Variants in AKAP9 observed in about 807,000 individuals in gnomAD.
The protein encoded by AKAP9 is A-kinase anchor protein 9.
A neutral mutation model predicts 488.5 loss-of-function variants in AKAP9; 311 were observed. The observed-to-expected ratio is 0.64, with a 90% CI of 0.58 to 0.70. AKAP9 has a LOEUF of 0.70. Among genes scored for constraint, AKAP9 ranks in the 30% least tolerant of loss-of-function variants. AKAP9 has a pLI of 0.00. For missense variants in AKAP9, 4,215 were observed against 4,374.5 expected (o/e 0.96, Z 1.03); for synonymous variants, 1,462 against 1,483.5 (o/e 0.99, Z 0.33).
At chr7:92,007,281 CTTTTTTTTTTTTTTT>C in intron 8 of AKAP9, among the ~76,000 whole-genome samples, 1 of 84,120 alleles carries the variant, frequency 1.2e-5, no homozygotes, top group South Asian at 4.8e-4. Context: ...AACTGAAATT[CTTTTTTTTTTTTTTT>C]TTTTTTTTTT....
chr7:92,050,270 A>G (rs184766198), intron 21 of AKAP9, among the ~76,000 whole-genome samples: 4 of 149,446 alleles, frequency 2.7e-5, no homozygotes, highest in Non-Finnish European at 4.5e-5. Context: ...GTATTTTTGT[A>G]TTTTTTAGTA....
chr7:92,058,025 T>C (rs1293942481), intron 22 of AKAP9: 2 of 315,488 alleles, frequency 6.3e-6, no homozygotes, highest in Non-Finnish European at 1.2e-5. Context: ...TTGTATGAAT[T>C]AATTTTATAA....
Position 91,992,216 on chromosome 7 carries a change from A to G in AKAP9, c.405+5A>G, listed in dbSNP as rs778747883. Reference sequence around the variant, plus strand: ...AAGCCTACAAATTTATTAAGGGTACAGTATTTAAAACTACTTGTGATACTA... The same window carrying G: ...AAGCCTACAAATTTATTAAGGGTACGGTATTTAAAACTACTTGTGATACTA... On this transcript the variant is annotated splice_donor_5th_base_variant and intron_variant, in intron 4 of 49. Transcript: ENST00000356239. 5.6e-6 allele frequency: 9 copies of G among 1,599,538 alleles called. No individual in the cohort carries two copies. Among genetic ancestry groups the G allele is most frequent in the Non-Finnish European group, 3.4e-6 (4 of 1,166,836 alleles).
At position 92,110,135 on chromosome 7, in the gene AKAP9, A is replaced by G; in HGVS notation, c.11700A>G (p.Gln3900=). 2 of 1,602,496 alleles carry G rather than the reference A, an allele frequency of 1.2e-6. No individual in the cohort carries two copies. The highest frequency in any genetic ancestry group is 1.7e-6 in the Non-Finnish European group (2 of 1,172,360). ...LGTIQSGSTT[Q]FHAGMRR ...TTTCTCTCATAGGTTCAACTACTCA[A>G]TTTCATGCTGGCATGAGAAGATAAT... The change falls in exon 50 of 50, where the codon CAA becomes CAG. Residue 3900 remains glutamine (Q), a synonymous_variant. Coordinates refer to ENST00000356239, the MANE Select transcript of AKAP9 (RefSeq NM_005751.5).
Position 92,098,066 on chromosome 7 carries a change from C to T in AKAP9, c.10608-43C>T, listed in dbSNP as rs765826006. 3.9e-6 allele frequency: 5 copies of T among 1,297,546 alleles called. No individual in the cohort carries two copies. In the Admixed American group the frequency reaches 5.1e-5, roughly 13 times the overall value. 80.4% of individuals were successfully genotyped at this position (1,297,546 alleles called of 1,614,324 possible). ...TAATGTTTGTGGTAGTAAACACCCC[C>T]AATTGAGAAGGTATGTTTTGACTTT... On this transcript the variant is annotated intron_variant, in intron 42 of 49. Transcript: ENST00000356239.
At chr7:91,991,555 TC>T (rs1294118014) in intron 3 of AKAP9, among the ~76,000 whole-genome samples, 2 of 151,828 alleles carry the variant, frequency 1.3e-5, no homozygotes, top group African/African-American at 4.8e-5. Flanking sequence ...CACTGCAAGT[TC>T]CGCCTCCTGG....
At chr7:91,978,260 A>C (rs986826520) in intron 2 of AKAP9, among the ~76,000 whole-genome samples, 1 of 151,750 alleles carries the variant, frequency 6.6e-6, no homozygotes, top group Non-Finnish European at 1.5e-5. Flanking sequence ...AAAAAAAAAA[A>C]AGAGAATCTT....
chr7:91,954,533 G>A (rs1218615202), intron 1 of AKAP9, among the ~76,000 whole-genome samples: 2 of 152,228 alleles, frequency 1.3e-5, no homozygotes. Flanking sequence ...CTCCTGAAGT[G>A]CTGGGGTTAT....
chr7:92,079,701 A>C lies in AKAP9; in HGVS notation c.7568A>C (p.Lys2523Thr). The change falls in exon 31 of 50, where the codon AAA (lysine) becomes ACA (threonine). Residue 2523 changes from lysine to threonine, a missense_variant. By Grantham distance (78) the Lys-to-Thr change is moderately conservative. Around this residue, in one of 5 missense-constraint regions of AKAP9, gnomAD observed 1,476 missense variants for 1,477.4 expected, o/e 1.00. Coordinates refer to ENST00000356239, the MANE Select transcript of AKAP9 (RefSeq NM_005751.5). The stretch of plus-strand genomic sequence containing the variant: ...CTTACCCAGTGTTATAAACAAATAA[A>C]AGACATGCAAGAACAAGGCCAGTTT... ...LELTQCYKQIKDMQEQGQFET... is the reference protein window; with the variant it reads ...LELTQCYKQITDMQEQGQFET... 4 of 1,614,140 alleles carry C rather than the reference A, an allele frequency of 2.5e-6. No individual in the cohort carries two copies. Among genetic ancestry groups the C allele is most frequent in the Non-Finnish European group, 3.4e-6 (4 of 1,180,006 alleles).
intron 35 of AKAP9, among the ~76,000 whole-genome samples, chr7:92,085,243 G>A (rs1451625103): frequency 2.6e-5 from 4 of 152,140 alleles, no homozygotes; most frequent in African/African-American, 9.7e-5. Flanking sequence ...GGTCAAATCA[G>A]TAGCTTATCA....
chr7:92,002,922 A>G lies in AKAP9; in HGVS notation c.3005A>G (p.Asn1002Ser). 3 of 1,611,698 alleles carry G rather than the reference A, an allele frequency of 1.9e-6. No homozygotes were observed. The highest frequency in any genetic ancestry group is 2.5e-6 in the Non-Finnish European group (3 of 1,179,130). The stretch of plus-strand genomic sequence containing the variant: ...TGTAGAGAGCTAGAAATCATTATTA[A>G]CCACAACAGGGCAGAAAATGTACAG... The part of the protein sequence containing the change: ...LRCRELEIII[N>S]HNRAENVQSC... The change falls in exon 8 of 50, where the codon AAC becomes AGC. Residue 1002 changes from asparagine to serine, a missense_variant. Physicochemically the swap from Asn to Ser is conservative, Grantham distance 46 (BLOSUM62 1). Coordinates refer to ENST00000356239, the MANE Select transcript of AKAP9 (RefSeq NM_005751.5).
chr7:92,004,316 A>T (rs1332254920), intron 8 of AKAP9, among the ~76,000 whole-genome samples: 1 of 152,170 alleles, frequency 6.6e-6, no homozygotes, highest in Non-Finnish European at 1.5e-5. Context: ...TGAACTTTAA[A>T]GTAGTTTTTT....
In AKAP9 at chr7:92,083,559, T is replaced by G. The variant is rs1173119848; in HGVS notation, c.8550T>G (p.Thr2850=). 10 of 1,600,702 alleles carry G rather than the reference T, an allele frequency of 6.2e-6. No individual in the cohort carries two copies. The highest frequency in any genetic ancestry group is 8.5e-6 in the Non-Finnish European group (10 of 1,174,496). Residue 2850 remains threonine (T), a synonymous_variant, in exon 33 of 50, where the codon ACT becomes ACG. Transcript: ENST00000356239. ...TGGAATCCAGACATATTTCAGAAAC[T>G]GAAACCTTAAAGAGGGAACACTATG... ...LDMESRHISE[T]ETLKREHYVA... is the part of the protein sequence containing the mutation.
At chr7:92,102,550 A>G (rs1461899992) in intron 45 of AKAP9, 44 bp from the exon 46 acceptor site, 1 of 1,559,874 alleles carries the variant, frequency 6.4e-7, no homozygotes, top group African/African-American at 1.4e-5. Flanking sequence ...AGCAGGGTGA[A>G]TGTTTTCTTA....
At chr7:92,034,526 G>A (rs1366279291) in intron 16 of AKAP9, among the ~76,000 whole-genome samples, 1 of 120,892 alleles carries the variant, frequency 8.3e-6, no homozygotes, top group Non-Finnish European at 1.7e-5. Context: ...TTTTGAGATG[G>A]AGTTTCACTC....
Position 92,012,615 on chromosome 7 carries a change from C to G in AKAP9, c.3505C>G (p.Leu1169Val), listed in dbSNP as rs1330516663. 4.3e-6 allele frequency: 7 copies of G among 1,611,910 alleles called. No homozygotes were observed. The highest frequency in any genetic ancestry group is 1.3e-5 in the African/African-American group (1 of 74,854). ...ACTTCAGAAAATACACCAGTTAGAACTACAGACTATGAAAACACAAGAAAC... is the reference window on the plus strand; with the variant it reads ...ACTTCAGAAAATACACCAGTTAGAAGTACAGACTATGAAAACACAAGAAAC... Reference protein sequence around the residue: ...KELQKIHQLELQTMKTQETGD... With the variant: ...KELQKIHQLEVQTMKTQETGD... Residue 1169 changes from leucine to valine, a missense_variant, in exon 9 of 50, where the codon CTA (leucine) becomes GTA (valine). Leu to Val is a conservative substitution (Grantham distance 32, BLOSUM62 1). Around this residue, in one of 5 missense-constraint regions of AKAP9, gnomAD observed 2,361 missense variants for 2,430.0 expected, o/e 0.97. Transcript: ENST00000356239.
chr7:91,964,218 G>A (rs772754845), intron 1 of AKAP9, among the ~76,000 whole-genome samples: 11 of 152,150 alleles, frequency 7.2e-5, no homozygotes, highest in Non-Finnish European at 1.0e-4. Flanking sequence ...ATTCAAGCTA[G>A]ATACGATTGT....
At chr7:92,031,979 T>G (rs886646470) in intron 16 of AKAP9, among the ~76,000 whole-genome samples, 1 of 152,218 alleles carries the variant, frequency 6.6e-6, no homozygotes, top group African/African-American at 2.4e-5. Context: ...GAAGTTTTGT[T>G]AGGTAATGAC....
Position 92,017,051 on chromosome 7 carries a change from A to G in AKAP9, c.3786A>G (p.Lys1262=). The stretch of plus-strand genomic sequence containing the variant: ...AAAATATGCACACTCTTCTCAACAA[A>G]GTAACAGAAGAATACAACAAACTCT... ...FQENMHTLLN[K]VTEEYNKLLV... is the part of the protein sequence containing the mutation. The change falls in exon 12 of 50, where the codon AAA becomes AAG. Residue 1262 remains lysine (K), a synonymous_variant. Transcript: ENST00000356239. 6.3e-7 allele frequency: 1 copy of G among 1,591,720 alleles called. No homozygotes were observed. Among genetic ancestry groups the G allele is most frequent in the Non-Finnish European group, 8.6e-7 (1 of 1,164,220 alleles).
Sources: gnomAD v4.1 joint callset for allele counts (sites outside exome capture counted in the v4.1 genomes callset) on GRCh38, gnomAD v4.1.1 for gene constraint, gnomAD v4.1.1 regional missense constraint, MANE v1.5 for transcripts, NCBI Gene and HGNC (gene_info 2026-07-23, HGNC 2026-07-21) for gene names.